Variants in GPM6B observed in about 807,000 individuals in gnomAD.
GPM6B encodes glycoprotein M6B.
GPM6B carries 4 observed loss-of-function variants against 27.2 expected under a neutral mutation model. That is an observed-to-expected ratio of 0.15 (90% CI 0.07 to 0.34). The LOEUF (loss-of-function observed/expected upper bound fraction) is 0.34. Ranked by LOEUF, GPM6B falls within the 10% of genes least tolerant of loss-of-function variation. The pLI, the probability that GPM6B is intolerant of heterozygous loss-of-function variation, is 1.00. For synonymous variants in GPM6B, 124 were observed against 103.1 expected (o/e 1.20, Z -1.23); for missense variants, 183 against 261.9 (o/e 0.70, Z 2.08).
intron 1 of GPM6B, among the ~76,000 whole-genome samples, chrX:13,899,727 C>T (rs904373840): frequency 9.0e-6 from 1 of 111,003 alleles, no homozygotes; most frequent in African/African-American, 3.3e-5. Context: ...ACTCGCAGCC[C>T]AGTCACTTAG....
At chrX:13,915,446 ACACCAACAC>A (rs2050419537) in intron 1 of GPM6B, among the ~76,000 whole-genome samples, 4 of 111,627 alleles carry the variant, frequency 3.6e-5, no homozygotes, top group Non-Finnish European at 5.6e-5. Flanking sequence ...GTGGTTATGA[ACACCAACAC>A]CCAACAAACC....
chrX:13,854,716 C>G (rs144291392), intron 1 of GPM6B, among the ~76,000 whole-genome samples: 3 of 111,776 alleles, frequency 2.7e-5, no homozygotes, highest in East Asian at 5.6e-4. Flanking sequence ...GCTAATTACC[C>G]TGATCTGACT....
At chrX:13,841,035 G>A (rs2049567491) in intron 1 of GPM6B, among the ~76,000 whole-genome samples, 1 of 111,828 alleles carries the variant, frequency 8.9e-6, no homozygotes, top group Non-Finnish European at 1.9e-5. Flanking sequence ...CATGCATAAG[G>A]CATACCTGCA....
intron 1 of GPM6B, among the ~76,000 whole-genome samples, chrX:13,815,416 T>A (rs970441794): frequency 9.0e-6 from 1 of 111,205 alleles, no homozygotes; most frequent in Non-Finnish European, 1.9e-5. Flanking sequence ...TGATAAATAT[T>A]CCCAAGAGCT....
chrX:13,861,502 A>G (rs983671317), intron 1 of GPM6B, among the ~76,000 whole-genome samples: 19 of 111,745 alleles, frequency 1.7e-4, no homozygotes, highest in African/African-American at 5.5e-4. Flanking sequence ...TTCATTTTCT[A>G]TGTTCAAAAT....
intron 1 of GPM6B, among the ~76,000 whole-genome samples, chrX:13,822,761 G>A (rs1175179113): frequency 4.5e-5 from 5 of 111,338 alleles, no homozygotes; most frequent in Non-Finnish European, 9.4e-5. Flanking sequence ...TGTCTACTTG[G>A]AGAAAACAGA....
At chrX:13,821,039 T>C (rs1447253335), upstream of GPM6B, among the ~76,000 whole-genome samples, 1 of 111,445 alleles carries the variant, frequency 9.0e-6, no homozygotes, top group Non-Finnish European at 1.9e-5. Context: ...AGAAAGGTTC[T>C]GTGAAGGGCA....
intron 1 of GPM6B, among the ~76,000 whole-genome samples, chrX:13,861,166 C>CAT (rs1312996206): frequency 1.1e-4 from 12 of 105,994 alleles, no homozygotes; most frequent in East Asian, 3.0e-4. Context: ...TACACACATA[C>CAT]ATATATATAT....
At chrX:13,856,099 C>T (rs2049776708) in intron 1 of GPM6B, among the ~76,000 whole-genome samples, 1 of 111,792 alleles carries the variant, frequency 8.9e-6, no homozygotes, top group Non-Finnish European at 1.9e-5. Flanking sequence ...GGCAGTTAAT[C>T]ACCATTTCCC....
At chrX:13,862,271 G>A (rs1417797396) in intron 1 of GPM6B, among the ~76,000 whole-genome samples, 1 of 111,760 alleles carries the variant, frequency 8.9e-6, no homozygotes, top group East Asian at 2.8e-4. Flanking sequence ...TGGAAGCAAG[G>A]TAGTCAAGAC....
intron 1 of GPM6B, 102 bp from the exon 2 acceptor site, chrX:13,807,871 T>A (rs779069751): frequency 1.3e-5 from 10 of 762,365 alleles, no homozygotes; most frequent in Non-Finnish European, 1.9e-5. Flanking sequence ...AATGGGGAGT[T>A]TAAAAAATAT....
At chrX:13,825,802 T>C (rs1362038351) in intron 1 of GPM6B, among the ~76,000 whole-genome samples, 1 of 111,570 alleles carries the variant, frequency 9.0e-6, no homozygotes, top group East Asian at 2.8e-4. Flanking sequence ...GGCCCAAACA[T>C]GTCTTATGCT....
chrX:13,843,746 C>T (rs2049609700), intron 1 of GPM6B, among the ~76,000 whole-genome samples: 1 of 111,845 alleles, frequency 8.9e-6, no homozygotes, highest in South Asian at 3.7e-4. Flanking sequence ...AGAGAAATGC[C>T]TATCACATCC....
At chrX:13,861,047 TATAC>T (rs1569267372) in intron 1 of GPM6B, among the ~76,000 whole-genome samples, 3 of 55,508 alleles carry the variant, frequency 5.4e-5, no homozygotes, top group African/African-American at 4.3e-4. Context: ...CACACACATA[TATAC>T]ATATATATAC....
At position 13,879,033 on chromosome X, in the gene GPM6B, C is replaced by G. The variant is rs759224334; in HGVS notation, c.-198+59294G>C. Among the ~76,000 whole-genome samples, 4 of 112,112 alleles carry G rather than the reference C, an allele frequency of 3.6e-5. No homozygotes were observed. The South Asian group carries it at 1.5e-3, about 42-fold the overall frequency. On this transcript the variant is annotated intron_variant, in intron 1 of 6. Transcript: ENST00000398361. ...TGCGTCAGACTTCTGACCTCCAGGA[C>G]TATAACAAATTTGCATTGTTTTAAG...
intron 1 of GPM6B, among the ~76,000 whole-genome samples, chrX:13,861,685 C>A (rs1020452449): frequency 2.7e-5 from 3 of 111,949 alleles, no homozygotes; most frequent in Non-Finnish European, 5.6e-5. Flanking sequence ...AGAAAAATCT[C>A]TTTTAGGCTC....
chrX:13,891,308 A>C (rs1214434940), intron 1 of GPM6B, among the ~76,000 whole-genome samples: 1 of 111,159 alleles, frequency 9.0e-6, no homozygotes, highest in African/African-American at 3.3e-5. Flanking sequence ...AGGTGATTCA[A>C]ATACATTTTA....
intron 1 of GPM6B, among the ~76,000 whole-genome samples, chrX:13,870,684 CTG>C (rs1209735406): frequency 8.9e-6 from 1 of 112,395 alleles, no homozygotes; most frequent in African/African-American, 3.2e-5. Flanking sequence ...GCTCTGGTCT[CTG>C]TATTTGCTTT....
chrX:13,870,344 C>T (rs145186234), intron 1 of GPM6B, among the ~76,000 whole-genome samples: 2,264 of 112,355 alleles, frequency 0.02, 59 homozygotes, highest in East Asian at 0.17. Context: ...GATGTTCATT[C>T]CTGTCTGAAA....
Sources: gnomAD v4.1 joint callset for allele counts (sites outside exome capture counted in the v4.1 genomes callset) on GRCh38, gnomAD v4.1.1 for gene constraint, MANE v1.5 for transcripts, NCBI Gene and HGNC (gene_info 2026-07-23, HGNC 2026-07-21) for gene names.